The following INPP5K variants were observed in gnomAD, a reference collection of about 807,000 sequenced individuals.
INPP5K encodes inositol polyphosphate 5-phosphatase K.
Under a neutral mutation model 53.5 loss-of-function variants are expected in INPP5K, and 35 were observed. The ratio of observed to expected loss-of-function variants is 0.65; its 90% confidence interval spans 0.50 to 0.87. INPP5K has a LOEUF of 0.87. Ranked by LOEUF, INPP5K falls within the 40% of genes least tolerant of loss-of-function variation. The pLI, the probability that INPP5K is intolerant of heterozygous loss-of-function variation, is 0.00. For missense variants in INPP5K, 550 were observed against 586.2 expected (o/e 0.94, Z 0.64); for synonymous variants, 253 against 232.8 (o/e 1.09, Z -0.79).
At chr17:1,500,565 C>T (rs889911045) in intron 7 of INPP5K, among the ~76,000 whole-genome samples, 4 of 152,184 alleles carry the variant, frequency 2.6e-5, no homozygotes, top group Non-Finnish European at 4.4e-5. Flanking sequence ...CGGGGTTTCA[C>T]CGCATTAGCC....
rs753278286 is a variant in INPP5K at position 1,494,860 on chromosome 17, G to C, written c.*963C>G. The C allele has an allele frequency of 1.3e-5, 2 of 152,284 alleles. No individual in the cohort carries two copies. Among genetic ancestry groups the C allele is most frequent in the Admixed American group, 6.5e-5 (1 of 15,294 alleles). The allele number at this position is 152,284 out of a possible 1,614,324, so 9.4% of individuals were successfully genotyped here. On this transcript the variant is annotated 3_prime_UTR_variant, in exon 12 of 12. Coordinates refer to ENST00000421807, the MANE Select transcript of INPP5K (RefSeq NM_016532.4). ...GGCCATGTCCCCAAAGCCCCTAGAGGGTGTTCTCTGAAGAACCCCAGGGCC... is the reference window on the plus strand; with the variant it reads ...GGCCATGTCCCCAAAGCCCCTAGAGCGTGTTCTCTGAAGAACCCCAGGGCC...
At chr17:1,496,432 C>A in intron 9 of INPP5K, 30 bp from the exon 10 acceptor site, 1 of 1,531,806 alleles carries the variant, frequency 6.5e-7, no homozygotes, top group South Asian at 1.2e-5. Context: ...CATCAGTGGT[C>A]AGGGAGGACA....
intron 7 of INPP5K, among the ~76,000 whole-genome samples, chr17:1,501,941 A>T (rs1200680588): frequency 1.3e-5 from 2 of 151,976 alleles, no homozygotes; most frequent in African/African-American, 4.8e-5. Context: ...AGGCTGAGGC[A>T]GGAGAATCGC....
At chr17:1,509,062 G>T (rs2075238968) in intron 5 of INPP5K, 116 bp downstream of exon 5, 1 of 916,284 alleles carries the variant, frequency 1.1e-6, no homozygotes, top group Non-Finnish European at 1.7e-6. Flanking sequence ...CACTCGTGGG[G>T]GTCAGCGTGG....
chr17:1,514,424 G>A (rs978922209), intron 1 of INPP5K, among the ~76,000 whole-genome samples: 10 of 152,100 alleles, frequency 6.6e-5, no homozygotes, highest in African/African-American at 1.9e-4. Context: ...TGCTGGTGGA[G>A]GGAATGGGGA....
chr17:1,505,041 C>T (rs1361697526), intron 7 of INPP5K, among the ~76,000 whole-genome samples: 1 of 152,244 alleles, frequency 6.6e-6, no homozygotes, highest in African/African-American at 2.4e-5. Flanking sequence ...CAACAAACTT[C>T]AGTCTCCTGG....
chr17:1,497,843 A>C, intron 8 of INPP5K, 93 bp downstream of exon 8: 1 of 1,151,352 alleles, frequency 8.7e-7, no homozygotes, highest in Non-Finnish European at 1.3e-6. Flanking sequence ...CCCCTGGGGG[A>C]CTGGCTGACA....
rs2074797204 is a variant in INPP5K at position 1,495,235 on chromosome 17, A to G, written c.*588T>C. 6.6e-6 allele frequency: 1 copy of G among 152,444 alleles called. No individual in the cohort carries two copies. The highest frequency in any genetic ancestry group is 2.1e-4 in the South Asian group (1 of 4,844). 9.4% of individuals were successfully genotyped at this position (152,444 alleles called of 1,614,324 possible). ...CCGAAGGACCCTCATCAACCTGCTCATAACCATGGCGTAAGAGCCTGGCTA... is the reference window on the plus strand; with the variant it reads ...CCGAAGGACCCTCATCAACCTGCTCGTAACCATGGCGTAAGAGCCTGGCTA... On this transcript the variant is annotated 3_prime_UTR_variant, in exon 12 of 12. Transcript: ENST00000421807.
intron 7 of INPP5K, among the ~76,000 whole-genome samples, chr17:1,503,699 C>T (rs1567554637): frequency 1.3e-5 from 2 of 152,054 alleles, no homozygotes; most frequent in East Asian, 3.9e-4. Flanking sequence ...GCCTGGGTGA[C>T]AAGAAGAAAA....
chr17:1,496,183 G>T lies in INPP5K; in HGVS notation c.1186-19C>A. On this transcript the variant is annotated intron_variant, in intron 10 of 11. Coordinates refer to ENST00000421807, the MANE Select transcript of INPP5K (RefSeq NM_016532.4). Reference sequence around the variant, plus strand: ...TGTAAACCTGGAGGGGGATGGACAGGACTGGGGTCAGCTCCAGGGCTCTGG... The same window carrying T: ...TGTAAACCTGGAGGGGGATGGACAGTACTGGGGTCAGCTCCAGGGCTCTGG... 2 of 1,567,812 alleles carry T rather than the reference G, an allele frequency of 1.3e-6. No homozygotes were observed. The highest frequency in any genetic ancestry group is 1.1e-5 in the South Asian group (1 of 89,982).
intron 7 of INPP5K, among the ~76,000 whole-genome samples, chr17:1,504,096 C>T (rs1034609177): frequency 6.6e-6 from 1 of 152,216 alleles, no homozygotes; most frequent in African/African-American, 2.4e-5. Flanking sequence ...CAACCTTCTG[C>T]ACGGAGTTCT....
At chr17:1,498,153 A>G in intron 7 of INPP5K, 31 bp from the exon 8 acceptor site, 2 of 1,556,444 alleles carry the variant, frequency 1.3e-6, no homozygotes, top group Middle Eastern at 1.7e-4. Flanking sequence ...AAGAGGAAGA[A>G]TGGGGAAAGA....
In INPP5K at chr17:1,496,061, TGGAA is replaced by T; in HGVS notation, c.1285_1288del (p.Phe429ArgfsTer7). On this transcript the variant is annotated frameshift_variant and splice_region_variant, in exon 11 of 12. Coordinates refer to ENST00000421807, the MANE Select transcript of INPP5K (RefSeq NM_016532.4). LOFTEE classifies it high-confidence loss of function. The stretch of plus-strand genomic sequence containing the variant: ...CCTTCCCTCACCAGCACTGCTTACC[TGGAA>T]GGGTCTGCTTATCCCCACCACAGAA... The T allele has an allele frequency of 6.3e-7, 1 of 1,598,752 alleles. No individual in the cohort carries two copies.
intron 4 of INPP5K, 36 bp downstream of exon 4, chr17:1,509,647 C>T: frequency 1.5e-6 from 2 of 1,358,598 alleles, no homozygotes; most frequent in Non-Finnish European, 2.1e-6. Flanking sequence ...CCCAGCCCTT[C>T]CCAGCTCACG....
At chr17:1,508,249 C>A in intron 5 of INPP5K, 23 bp from the exon 6 acceptor site, 1 of 1,571,170 alleles carries the variant, frequency 6.4e-7, no homozygotes, top group Admixed American at 1.7e-5. Context: ...AGGAGGGCAG[C>A]CTGAGGATTT....
intron 8 of INPP5K, 108 bp from the exon 9 acceptor site, chr17:1,496,911 C>A: frequency 8.6e-7 from 1 of 1,162,908 alleles, no homozygotes; most frequent in South Asian, 1.5e-5. Context: ...GGTGGGGCAC[C>A]CAGAGGGGGT....
intron 1 of INPP5K, chr17:1,515,388 C>T: frequency 1.0e-6 from 1 of 979,088 alleles, no homozygotes; most frequent in Non-Finnish European, 1.2e-6. Context: ...GCCTCAATGA[C>T]ACTGGATCCA....
chr17:1,497,866 G>A, intron 8 of INPP5K, 70 bp downstream of exon 8: 1 of 1,373,602 alleles, frequency 7.3e-7, no homozygotes, highest in Non-Finnish European at 1.0e-6. Context: ...CGAATCCAGG[G>A]ATGGAGGGCT....
At position 1,509,372 on chromosome 17, in the gene INPP5K, A is replaced by G. The variant is rs775947352; in HGVS notation, c.379-19T>C. On this transcript the variant is annotated intron_variant, in intron 4 of 11. Transcript: ENST00000421807. ...TGTTCCCCTGGTAGAACAGGTCAAC[A>G]GAAGAGTGGGAAGCTACTCGGGTTG... 2.5e-6 allele frequency: 4 copies of G among 1,606,928 alleles called. No individual in the cohort carries two copies. Among genetic ancestry groups the G allele is most frequent in the Admixed American group, 3.3e-5 (2 of 59,722 alleles).
Sources: allele counts gnomAD v4.1 joint callset (sites outside exome capture counted in the v4.1 genomes callset), GRCh38; gene constraint gnomAD v4.1.1; transcripts MANE v1.5; gene names NCBI Gene and HGNC (gene_info 2026-07-23, HGNC 2026-07-21).